LRFN5: variants seen among roughly 807,000 people sequenced by gnomAD.
LRFN5 encodes the protein leucine-rich repeat and fibronectin type-III domain-containing protein 5.
A neutral mutation model predicts 45.6 loss-of-function variants in LRFN5; 24 were observed. The ratio of observed to expected loss-of-function variants is 0.53; its 90% CI spans 0.38 to 0.74. The LOEUF is 0.74. Ranked by LOEUF, LRFN5 falls within the 30% of genes least tolerant of loss-of-function variation. The probability of loss-of-function intolerance (pLI) is 0.00; values close to 1 mark genes in which losing one functional copy is unlikely to be tolerated. For synonymous variants in LRFN5, 340 were observed against 313.8 expected, an observed-to-expected ratio of 1.08 and a Z score of -0.88; for missense variants, 776 against 861.5, an observed-to-expected ratio of 0.90 and a Z score of 1.24.
chr14:41,821,048 C>A (rs114253745), intron 2 of LRFN5, among the ~76,000 whole-genome samples: 2,287 of 152,064 alleles, frequency 0.015, 52 homozygotes, highest in African/African-American at 0.051. Flanking sequence ...ACAATTATAT[C>A]ATGAATAAAT....
At chr14:41,767,446 TA>T (rs1184418802) in intron 2 of LRFN5, among the ~76,000 whole-genome samples, 1 of 151,938 alleles carries the variant, frequency 6.6e-6, no homozygotes, top group African/African-American at 2.4e-5. Context: ...TTTCTGAATT[TA>T]AAAAAAATAA....
chr14:41,633,422 CACTT>C (rs1488098321), intron 1 of LRFN5, among the ~76,000 whole-genome samples: 8 of 152,058 alleles, frequency 5.3e-5, no homozygotes, highest in Middle Eastern at 6.8e-3. Context: ...AATTTCTTGT[CACTT>C]ACTTATAAAT....
intron 1 of LRFN5, among the ~76,000 whole-genome samples, chr14:41,714,649 T>C (rs1883416354): frequency 1.3e-5 from 2 of 152,182 alleles, no homozygotes; most frequent in Admixed American, 1.3e-4. Flanking sequence ...CTCATGCCTG[T>C]AATCTCAGCA....
chr14:41,681,912 G>A (rs1168192232), intron 1 of LRFN5, among the ~76,000 whole-genome samples: 2 of 151,020 alleles, frequency 1.3e-5, no homozygotes, highest in Non-Finnish European at 2.9e-5. Context: ...TCTGCCTCCC[G>A]GATTCAAGCA....
At position 41,777,844 on chromosome 14, in the gene LRFN5, T is replaced by A. The variant is rs145061171; in HGVS notation, c.-21+10815T>A. On this transcript the variant is annotated intron_variant, in intron 2 of 5. Transcript: ENST00000298119. Reference sequence around the variant, plus strand: ...TTCTTCATAATGAACATTATGGAGATGCTATTGCAGTAATCTGTTTTAATT... The same window carrying A: ...TTCTTCATAATGAACATTATGGAGAAGCTATTGCAGTAATCTGTTTTAATT... 4.2e-3 allele frequency among the ~76,000 whole-genome samples: 635 copies of A among 151,876 alleles called. 7 individuals are homozygous for A. Among genetic ancestry groups the A allele is most frequent in the African/African-American group, 0.014 (587 of 41,514 alleles).
intron 1 of LRFN5, among the ~76,000 whole-genome samples, chr14:41,689,736 T>C (rs1325183467): frequency 6.7e-6 from 1 of 149,838 alleles, no homozygotes; most frequent in African/African-American, 2.4e-5. Flanking sequence ...CTACTAAAAA[T>C]ACAAAAAAAT....
intron 1 of LRFN5, among the ~76,000 whole-genome samples, chr14:41,685,733 A>T (rs1163454819): frequency 6.6e-6 from 1 of 152,074 alleles, no homozygotes. Flanking sequence ...GCTTTTCCCC[A>T]TTGCTTGTTT....
intron 1 of LRFN5, among the ~76,000 whole-genome samples, chr14:41,632,071 A>T (rs1337942631): frequency 6.6e-6 from 1 of 152,182 alleles, no homozygotes; most frequent in East Asian, 1.9e-4. Context: ...TGGTAAATTG[A>T]ACCAGAGTTC....
rs554846585 is a variant in LRFN5 at position 41,737,615 on chromosome 14, C to T, written c.-196-29239C>T. Among the ~76,000 whole-genome samples the T allele has an allele frequency of 2.8e-4, 43 of 152,128 alleles. No homozygotes were observed. The South Asian group carries it at 8.3e-3, about 29-fold the overall frequency. ...ATTTAGAAAACCCCATCATCTCAGCCCAAAAACTCCTTAAGCTGATGAGCA... is the reference window on the plus strand; with the variant it reads ...ATTTAGAAAACCCCATCATCTCAGCTCAAAAACTCCTTAAGCTGATGAGCA... On this transcript the variant is annotated intron_variant, in intron 1 of 5. Coordinates refer to ENST00000298119, the MANE Select transcript of LRFN5 (RefSeq NM_152447.5).
chr14:41,694,834 T>G (rs894871559), intron 1 of LRFN5, among the ~76,000 whole-genome samples: 2 of 151,964 alleles, frequency 1.3e-5, no homozygotes, highest in African/African-American at 4.8e-5. Flanking sequence ...AACATTCCCA[T>G]ACAAGATAAG....
At chr14:41,659,056 G>A (rs1489517715) in intron 1 of LRFN5, among the ~76,000 whole-genome samples, 1 of 151,516 alleles carries the variant, frequency 6.6e-6, no homozygotes, top group Non-Finnish European at 1.5e-5. Flanking sequence ...ATTATGTAAT[G>A]TTTATTATTA....
At chr14:41,786,814 A>G (rs1361085056) in intron 2 of LRFN5, among the ~76,000 whole-genome samples, 2 of 151,458 alleles carry the variant, frequency 1.3e-5, no homozygotes, top group African/African-American at 4.8e-5. Flanking sequence ...TTTTTGGTTC[A>G]TTTCATTGTG....
At chr14:41,739,657 G>GAA (rs888521784) in intron 1 of LRFN5, among the ~76,000 whole-genome samples, 31 of 130,338 alleles carry the variant, frequency 2.4e-4, no homozygotes, top group African/African-American at 7.6e-4. Flanking sequence ...CTAGCAACTA[G>GAA]AAAAAAAAAA....
chr14:41,621,573 T>A (rs115626028), intron 1 of LRFN5, among the ~76,000 whole-genome samples: 2 of 152,144 alleles, frequency 1.3e-5, no homozygotes, highest in African/African-American at 2.4e-5. Context: ...CCCGAGCTTG[T>A]TGGAGTTCAG....
chr14:41,642,165 G>A (rs1464562230), intron 1 of LRFN5, among the ~76,000 whole-genome samples: 1 of 152,098 alleles, frequency 6.6e-6, no homozygotes, highest in Non-Finnish European at 1.5e-5. Flanking sequence ...AGAGCTAACA[G>A]ATTAACCAAC....
At chr14:41,832,114 A>G (rs778687268) in intron 2 of LRFN5, among the ~76,000 whole-genome samples, 1 of 152,156 alleles carries the variant, frequency 6.6e-6, no homozygotes, top group Non-Finnish European at 1.5e-5. Context: ...GGGATTCAAT[A>G]TATGAATTTT....
chr14:41,625,983 T>C (rs940913580), intron 1 of LRFN5, among the ~76,000 whole-genome samples: 2 of 152,238 alleles, frequency 1.3e-5, no homozygotes, highest in Admixed American at 6.5e-5. Context: ...GAAACATACG[T>C]AGACACACAT....
intron 1 of LRFN5, among the ~76,000 whole-genome samples, chr14:41,724,206 A>G (rs1883838938): frequency 6.6e-6 from 1 of 152,208 alleles, no homozygotes; most frequent in African/African-American, 2.4e-5. Flanking sequence ...TTCTCAAAAT[A>G]CAACTGACAG....
At chr14:41,726,677 CTG>C (rs2138783275) in intron 1 of LRFN5, among the ~76,000 whole-genome samples, 1 of 152,144 alleles carries the variant, frequency 6.6e-6, no homozygotes, top group African/African-American at 2.4e-5. Context: ...ATCTATCACT[CTG>C]AAACAGTTTT....
Sources: gnomAD v4.1 joint callset for allele counts (sites outside exome capture counted in the v4.1 genomes callset) on GRCh38, gnomAD v4.1.1 for gene constraint, MANE v1.5 for transcripts, NCBI Gene and HGNC (gene_info 2026-07-23, HGNC 2026-07-21) for gene names.